Variants in PILRA observed in about 807,000 individuals in gnomAD.
PILRA encodes paired immunoglobin like type 2 receptor alpha.
Under a neutral mutation model 33.1 loss-of-function variants are expected in PILRA, and 37 were observed. That is an observed-to-expected ratio of 1.12 (90% CI 0.86 to 1.47). The LOEUF (loss-of-function observed/expected upper bound fraction) is 1.47, where lower values mean the gene tolerates loss of function less well. PILRA is among the 40% of genes most tolerant of loss of function. The pLI is 0.00. For missense variants in PILRA, 312 were observed against 376.2 expected (o/e 0.83, Z 1.41); for synonymous variants, 146 against 149.9 (o/e 0.97, Z 0.19).
intron 2 of PILRA, among the ~76,000 whole-genome samples, chr7:100,383,297 A>T (rs1791161723): frequency 6.6e-6 from 1 of 152,178 alleles, no homozygotes; most frequent in Non-Finnish European, 1.5e-5. Flanking sequence ...TGGAGTCAGA[A>T]GTTGTTACAG....
chr7:100,400,010 A>G lies in PILRA; in HGVS notation c.*103A>G. ...GCCTGAGGCAGAATCAAGTGAGCCC[A>G]GGAGTTCAGGGCCAGCTTTGATAAT... On this transcript the variant is annotated 3_prime_UTR_variant, in exon 7 of 7. Transcript: ENST00000198536. The G allele has an allele frequency of 8.1e-7, 1 of 1,229,606 alleles. No homozygotes were observed. Among genetic ancestry groups the G allele is most frequent in the Non-Finnish European group, 1.1e-6 (1 of 915,328 alleles). 76.2% of individuals were successfully genotyped at this position (1,229,606 alleles called of 1,614,324 possible).
intron 6 of PILRA, 68 bp downstream of exon 6, chr7:100,399,680 A>G (rs2130254863): frequency 6.2e-7 from 1 of 1,611,648 alleles, no homozygotes; most frequent in East Asian, 2.2e-5. Flanking sequence ...GGAAGGGAGA[A>G]GGGGAGTGTG....
intron 2 of PILRA, among the ~76,000 whole-genome samples, chr7:100,386,577 G>A (rs1220338916): frequency 6.6e-6 from 1 of 152,022 alleles, no homozygotes; most frequent in Admixed American, 6.6e-5. Flanking sequence ...GAGTGCAGTG[G>A]CACAATCATA....
chr7:100,393,992 C>T (rs1028955847), intron 3 of PILRA, among the ~76,000 whole-genome samples: 1 of 152,162 alleles, frequency 6.6e-6, no homozygotes, highest in Non-Finnish European at 1.5e-5. Flanking sequence ...ACATATCCCA[C>T]AGCTATCTGT....
chr7:100,389,842 C>T (rs770257315), intron 2 of PILRA, 46 bp from the exon 3 acceptor site: 2 of 1,540,494 alleles, frequency 1.3e-6, no homozygotes, highest in South Asian at 2.2e-5. Context: ...ACCCAGACAC[C>T]CTGTGCCCCC....
At position 100,399,302 on chromosome 7, in the gene PILRA, A is replaced by G. The variant is rs770109655; in HGVS notation, c.719A>G (p.Gln240Arg). Residue 240 changes from glutamine to arginine, a missense_variant, in exon 5 of 7, where the codon CAA (glutamine) becomes CGA (arginine). Transcript: ENST00000198536. ...KATTPAREPF[Q>R]NTEEPYENIR... ...TTGTTCCCATACAGGGAACCCTTCC[A>G]AAACACAGAGGAGCCATATGAGAAT... 1 of 1,612,620 alleles carries G rather than the reference A, an allele frequency of 6.2e-7. No homozygotes were observed. Among genetic ancestry groups the G allele is most frequent in the South Asian group, 1.1e-5 (1 of 90,992 alleles).
chr7:100,378,529 A>C (rs1261088192), intron 2 of PILRA, among the ~76,000 whole-genome samples: 2 of 152,206 alleles, frequency 1.3e-5, no homozygotes, highest in African/African-American at 4.8e-5. Flanking sequence ...AATCAGGCTA[A>C]TACACAATCT....
chr7:100,399,287 A>G lies in PILRA; in HGVS notation c.708-4A>G. On this transcript the variant is annotated splice_region_variant and splice_polypyrimidine_tract_variant and intron_variant, in intron 4 of 6. Transcript: ENST00000198536. ...ATATTTCCTGTCCTCTTGTTCCCAT[A>G]CAGGGAACCCTTCCAAAACACAGAG... is the stretch of plus-strand genomic sequence containing the variant. The G allele has an allele frequency of 6.2e-7, 1 of 1,608,022 alleles. No homozygotes were observed. Among genetic ancestry groups the G allele is most frequent in the Non-Finnish European group, 8.5e-7 (1 of 1,174,932 alleles).
At chr7:100,398,579 C>A (rs934847582) in intron 4 of PILRA, among the ~76,000 whole-genome samples, 3 of 152,204 alleles carry the variant, frequency 2.0e-5, no homozygotes, top group Non-Finnish European at 4.4e-5. Flanking sequence ...CTGTCCCCAA[C>A]CCTTCTCTAT....
chr7:100,396,154 T>A (rs1186338705), intron 3 of PILRA, among the ~76,000 whole-genome samples: 1 of 151,630 alleles, frequency 6.6e-6, no homozygotes, highest in African/African-American at 2.4e-5. Context: ...TAAATAAAGC[T>A]ACCATACGAT....
chr7:100,386,704 A>G (rs1211314353), intron 2 of PILRA, among the ~76,000 whole-genome samples: 1 of 151,432 alleles, frequency 6.6e-6, no homozygotes, highest in East Asian at 1.9e-4. Flanking sequence ...TATCATAGGG[A>G]CCAGGGGGAG....
intron 2 of PILRA, among the ~76,000 whole-genome samples, chr7:100,381,917 G>T (rs1475194992): frequency 6.6e-6 from 1 of 152,202 alleles, no homozygotes; most frequent in Non-Finnish European, 1.5e-5. Context: ...GCCCACCGGC[G>T]CTGTGCTCGA....
upstream of PILRA, among the ~76,000 whole-genome samples, chr7:100,372,072 AG>A (rs1454457760): frequency 1.3e-5 from 2 of 152,088 alleles, no homozygotes; most frequent in Admixed American, 6.5e-5. Flanking sequence ...CACCCTCTCG[AG>A]GCCCTGCCCA....
rs61005713 is a variant in PILRA at position 100,376,484 on chromosome 7, T to G, written c.454+2051T>G. On this transcript the variant is annotated intron_variant, in intron 2 of 6. Coordinates refer to ENST00000198536, the MANE Select transcript of PILRA (RefSeq NM_013439.3). Reference sequence around the variant, plus strand: ...AAGTAATAAAAAGAGAAAAAAGTGTTTTTTTTTTTTTTTTTTGAGACAAAA... The same window carrying G: ...AAGTAATAAAAAGAGAAAAAAGTGTGTTTTTTTTTTTTTTTTGAGACAAAA... 6.1e-3 allele frequency: 649 copies of G among 106,154 alleles called. 8 individuals carry two copies. The highest frequency in any genetic ancestry group is 0.02 in the African/African-American group (611 of 30,534). 6.6% of individuals were successfully genotyped at this position (106,154 alleles called of 1,614,324 possible).
upstream of PILRA, among the ~76,000 whole-genome samples, chr7:100,372,090 C>A (rs1563113216): frequency 6.6e-6 from 1 of 152,168 alleles, no homozygotes; most frequent in Non-Finnish European, 1.5e-5. Flanking sequence ...CCCAGACAGC[C>A]AGGGGGTCCC....
At position 100,373,764 on chromosome 7, in the gene PILRA, C is replaced by T. The variant is rs765414353; in HGVS notation, c.64+44C>T. The T allele has an allele frequency of 2.1e-4, 341 of 1,606,290 alleles. 1 individual carries two copies. The South Asian group carries it at 2.6e-3, about 12-fold the overall frequency. On this transcript the variant is annotated intron_variant, in intron 1 of 6. Transcript: ENST00000198536. Reference sequence around the variant, plus strand: ...CCAGATGTGGGCTCTGCCCAAACCACAGGAGGGGCCAACCCGAGACAAAGG... The same window carrying T: ...CCAGATGTGGGCTCTGCCCAAACCATAGGAGGGGCCAACCCGAGACAAAGG...
Position 100,394,593 on chromosome 7 carries a change from CAAAAAAAAAAAA to C in PILRA, c.674-3273_674-3262del, listed in dbSNP as rs60131231. Among the ~76,000 whole-genome samples, 9 of 47,340 alleles carry C rather than the reference CAAAAAAAAAAAA, an allele frequency of 1.9e-4. No individual in the cohort carries two copies. In the East Asian group the frequency reaches 7.0e-3, roughly 37 times the overall value. The allele number at this position is 47,340 out of a possible 152,430, so 31.1% of individuals were successfully genotyped here. ...TGGGTGACAGAGTGAGATTCTATCT[CAAAAAAAAAAAA>C]AAAAAAAAAAAAGGAGCTGAATTGA... On this transcript the variant is annotated intron_variant, in intron 3 of 6. Coordinates refer to ENST00000198536, the MANE Select transcript of PILRA (RefSeq NM_013439.3).
At chr7:100,377,797 C>G (rs959483233) in intron 2 of PILRA, among the ~76,000 whole-genome samples, 2 of 152,060 alleles carry the variant, frequency 1.3e-5, no homozygotes, top group Admixed American at 1.3e-4. Flanking sequence ...ATGGCATAAA[C>G]AACTAAATTG....
chr7:100,399,502 C>T (rs1222024371), intron 5 of PILRA, 79 bp from the exon 6 acceptor site: 2 of 1,545,294 alleles, frequency 1.3e-6, no homozygotes, highest in Non-Finnish European at 1.8e-6. Flanking sequence ...GATAACCTCA[C>T]TCCTAGAGCC....
Sources: gnomAD v4.1 joint callset for allele counts (sites outside exome capture counted in the v4.1 genomes callset) on GRCh38, gnomAD v4.1.1 for gene constraint, MANE v1.5 for transcripts, NCBI Gene and HGNC (gene_info 2026-07-23, HGNC 2026-07-21) for gene names.